ELOVL2: variants seen among roughly 807,000 people sequenced by gnomAD.
ELOVL2 encodes the protein very long chain fatty acid elongase 2.
ELOVL2 carries 38 observed loss-of-function variants against 37.7 expected under a neutral mutation model. The observed-to-expected ratio is 1.01, with a 90% confidence interval of 0.78 to 1.32. The LOEUF is 1.32. ELOVL2 is among the 40% of genes most tolerant of loss of function. The probability of loss-of-function intolerance (pLI) is 0.00; values close to 1 mark genes in which losing one functional copy is unlikely to be tolerated. For missense variants in ELOVL2, 352 were observed against 363.6 expected, an observed-to-expected ratio of 0.97 and a Z score of 0.26; for synonymous variants, 115 against 122.3, an observed-to-expected ratio of 0.94 and a Z score of 0.40.
intron 1 of ELOVL2, among the ~76,000 whole-genome samples, chr6:11,026,214 C>A (rs1209082072): frequency 6.6e-6 from 1 of 152,086 alleles, no homozygotes; most frequent in Non-Finnish European, 1.5e-5. Flanking sequence ...AAGTATCCTG[C>A]TCTGATTCCA....
rs555599229 is a variant in ELOVL2 at position 11,029,007 on chromosome 6, G to A, written c.3+15221C>T. ...GGGTGGGGCATCACTTAAGGCTATG[G>A]TTAAAAGAGGTAGCATGAGCCTGGG... On this transcript the variant is annotated intron_variant, in intron 1 of 7. Coordinates refer to ENST00000354666, the MANE Select transcript of ELOVL2 (RefSeq NM_017770.4). 1.1e-4 allele frequency among the ~76,000 whole-genome samples: 15 copies of A among 140,634 alleles called. No individual in the cohort carries two copies. The South Asian group carries it at 3.2e-3, about 30-fold the overall frequency. 92.3% of individuals were successfully genotyped at this position (140,634 alleles called of 152,430 possible).
chr6:11,007,098 T>C (rs186589204), intron 2 of ELOVL2, among the ~76,000 whole-genome samples: 1 of 152,312 alleles, frequency 6.6e-6, no homozygotes, highest in East Asian at 1.9e-4. Flanking sequence ...AGCAATCCCA[T>C]TATATAGGTG....
intron 2 of ELOVL2, among the ~76,000 whole-genome samples, chr6:11,009,632 T>TA (rs944129192): frequency 6.6e-6 from 1 of 152,172 alleles, no homozygotes; most frequent in African/African-American, 2.4e-5. Context: ...GAATAGCACG[T>TA]AAAAGAATTT....
intron 1 of ELOVL2, among the ~76,000 whole-genome samples, chr6:11,033,225 A>G (rs926972304): frequency 1.3e-5 from 2 of 152,146 alleles, no homozygotes; most frequent in African/African-American, 4.8e-5. Flanking sequence ...TATTAAGTCT[A>G]GGCAATTTTT....
intron 4 of ELOVL2, among the ~76,000 whole-genome samples, chr6:10,996,632 T>G (rs181440586): frequency 6.6e-6 from 1 of 151,136 alleles, no homozygotes; most frequent in Non-Finnish European, 1.5e-5. Context: ...ATCACGCCAC[T>G]GCACTCCGGC....
At chr6:10,984,873 C>T (rs1561710408) in intron 7 of ELOVL2, among the ~76,000 whole-genome samples, 1 of 152,126 alleles carries the variant, frequency 6.6e-6, no homozygotes, top group Non-Finnish European at 1.5e-5. Context: ...TGGGTATATA[C>T]CCAGTGATGG....
intron 1 of ELOVL2, among the ~76,000 whole-genome samples, chr6:11,037,222 G>T (rs1471591270): frequency 6.8e-6 from 1 of 146,428 alleles, no homozygotes; most frequent in African/African-American, 2.5e-5. Context: ...AGAGGCAGAG[G>T]AGGAGAGAGA....
chr6:11,002,499 A>T (rs549654361), intron 3 of ELOVL2, among the ~76,000 whole-genome samples: 1 of 152,324 alleles, frequency 6.6e-6, no homozygotes, highest in African/African-American at 2.4e-5. Context: ...GCTCTGAAAG[A>T]GGTCACAATC....
chr6:10,982,415 AAGGC>A lies in ELOVL2; in HGVS notation c.*1362_*1365del, dbSNP rs1190995074. 6.6e-6 allele frequency: 1 copy of A among 152,132 alleles called. No individual in the cohort carries two copies. The highest frequency in any genetic ancestry group is 1.5e-5 in the Non-Finnish European group (1 of 68,018). 9.4% of individuals were successfully genotyped at this position (152,132 alleles called of 1,614,324 possible). A position where few individuals can be genotyped will look rare whatever the true frequency, so the allele number is the denominator to read the frequency against. On this transcript the variant is annotated 3_prime_UTR_variant, in exon 8 of 8. Transcript: ENST00000354666. ...GACCTAAAAACTTATTTAAAAAAATAAGGCAGGAGAGAAGATGAAGTGACTTCAT... is the reference window on the plus strand; with the variant it reads ...GACCTAAAAACTTATTTAAAAAAATAAGGAGAGAAGATGAAGTGACTTCAT...
intron 5 of ELOVL2, 82 bp downstream of exon 5, chr6:10,994,925 G>A: frequency 1.7e-6 from 2 of 1,146,742 alleles, no homozygotes; most frequent in Non-Finnish European, 2.5e-6. Context: ...CTCCTGATCT[G>A]CATGCGATGC....
intron 7 of ELOVL2, among the ~76,000 whole-genome samples, chr6:10,985,288 A>C (rs1457465639): frequency 1.3e-5 from 2 of 151,748 alleles, no homozygotes; most frequent in East Asian, 3.9e-4. Flanking sequence ...TAGGTTGTGA[A>C]AATTTTCTCC....
chr6:11,038,271 A>G (rs562701391), intron 1 of ELOVL2, among the ~76,000 whole-genome samples: 63 of 152,316 alleles, frequency 4.1e-4, no homozygotes, highest in African/African-American at 1.5e-3. Flanking sequence ...ATTATACAGT[A>G]CTTGAATCAT....
chr6:11,037,494 G>T lies in ELOVL2; in HGVS notation c.3+6734C>A, dbSNP rs1271173084. ...TATGATATCAAAATTTTTGTGTAAA[G>T]CTACTGCTGTTCTGATTAATGTTTG... On this transcript the variant is annotated intron_variant, in intron 1 of 7. Transcript: ENST00000354666. 2.1e-4 allele frequency among the ~76,000 whole-genome samples: 32 copies of T among 150,222 alleles called. No individual in the cohort carries two copies. In the Admixed American group the frequency reaches 2.1e-3, roughly 10 times the overall value.
In ELOVL2 at chr6:10,983,887, A is replaced by C; in HGVS notation, c.785T>G (p.Met262Arg). ...FYVQTYRKKP[M>R]KKDMQEPPAG... ...AGGTGGCTCTTGCATATCTTTCTTC[A>C]TTGGCTTTTTTCGGTATGTCTGTTG... Residue 262 changes from methionine to arginine, a missense_variant, in exon 8 of 8, where the codon ATG becomes AGG. Physicochemically the swap from Met to Arg is moderately conservative, Grantham distance 91. Transcript: ENST00000354666. The C allele has an allele frequency of 6.2e-7, 1 of 1,612,736 alleles. No homozygotes were observed. Among genetic ancestry groups the C allele is most frequent in the South Asian group, 1.1e-5 (1 of 90,750 alleles).
chr6:10,992,447 A>G (rs1033330185), intron 5 of ELOVL2, among the ~76,000 whole-genome samples: 2 of 152,268 alleles, frequency 1.3e-5, no homozygotes, highest in Non-Finnish European at 2.9e-5. Flanking sequence ...TAACTGACCC[A>G]TTAGTGAATG....
chr6:11,038,727 T>C (rs755206875), intron 1 of ELOVL2, among the ~76,000 whole-genome samples: 2 of 152,112 alleles, frequency 1.3e-5, no homozygotes, highest in Non-Finnish European at 2.9e-5. Context: ...GACTATGAAG[T>C]GTAAATATGC....
chr6:11,042,846 T>A (rs903371469), intron 1 of ELOVL2, among the ~76,000 whole-genome samples: 1 of 152,134 alleles, frequency 6.6e-6, no homozygotes, highest in East Asian at 1.9e-4. Context: ...ATTGGGTTAA[T>A]TCAAAAGAGT....
chr6:11,039,062 A>G (rs1025264404), intron 1 of ELOVL2, among the ~76,000 whole-genome samples: 1 of 152,232 alleles, frequency 6.6e-6, no homozygotes, highest in African/African-American at 2.4e-5. Context: ...TCATGAAAGT[A>G]TTAAGCAGAC....
rs1782133573 is a variant in ELOVL2 at position 10,990,419 on chromosome 6, T to C, written c.529A>G (p.Ser177Gly). 6.2e-7 allele frequency: 1 copy of C among 1,605,144 alleles called. No homozygotes were observed. The highest frequency in any genetic ancestry group is 8.5e-7 in the Non-Finnish European group (1 of 1,177,198). Residue 177 changes from serine to glycine, a missense_variant, in exon 6 of 8, where the codon AGT becomes GGT. Physicochemically the swap from Ser to Gly is moderately conservative, Grantham distance 56. Transcript: ENST00000354666. ...GAGTACATAAGAATGTGGATAAAAC[T>C]GTTCAGTGTTGGTCCAAAGAAACCT... is the stretch of plus-strand genomic sequence containing the variant. Reference protein sequence around the residue: ...GQSFFGPTLNSFIHILMYSYY... With the variant: ...GQSFFGPTLNGFIHILMYSYY...
Sources: gnomAD v4.1 joint callset for allele counts (sites outside exome capture counted in the v4.1 genomes callset) on GRCh38, gnomAD v4.1.1 for gene constraint, MANE v1.5 for transcripts, NCBI Gene and HGNC (gene_info 2026-07-23, HGNC 2026-07-21) for gene names.